The following MGAT4A variants were observed in gnomAD, a reference collection of about 807,000 sequenced individuals.
MGAT4A encodes the protein alpha-1,3-mannosyl-glycoprotein 4-beta-N-acetylglucosaminyltransferase A, also known as N-acetylglucosaminyltransferase IVa.
Under a neutral mutation model 74.1 loss-of-function variants are expected in MGAT4A, and 33 were observed. The observed-to-expected ratio is 0.45, with a 90% CI of 0.34 to 0.60. The LOEUF (loss-of-function observed/expected upper bound fraction) is 0.60. MGAT4A is among the 20% of genes least tolerant of loss of function. MGAT4A has a pLI of 0.02. For synonymous variants in MGAT4A, 198 were observed against 210.4 expected, an observed-to-expected ratio of 0.94 and a Z score of 0.51; for missense variants, 479 against 628.3, an observed-to-expected ratio of 0.76 and a Z score of 2.54.
chr2:98,668,800 G>C (rs564388896), intron 4 of MGAT4A, among the ~76,000 whole-genome samples: 1 of 152,232 alleles, frequency 6.6e-6, no homozygotes, highest in Non-Finnish European at 1.5e-5. Context: ...CCCACCTCTT[G>C]CATCAGTGTG....
chr2:98,647,675 T>TTTTCCAGAAG (rs1442681859), intron 8 of MGAT4A, among the ~76,000 whole-genome samples: 6 of 152,352 alleles, frequency 3.9e-5, no homozygotes, highest in Admixed American at 6.5e-5. Context: ...ACCTGTGAAG[T>TTTTCCAGAAG]GCCTGCATCA....
chr2:98,644,547 G>GT (rs1701457421), intron 9 of MGAT4A, among the ~76,000 whole-genome samples: 1 of 152,086 alleles, frequency 6.6e-6, no homozygotes, highest in African/African-American at 2.4e-5. Flanking sequence ...TGCTTAAAGT[G>GT]TTAAAAAGTA....
chr2:98,694,025 CTTG>C (rs1702231775), intron 2 of MGAT4A: 1 of 153,232 alleles, frequency 6.5e-6, no homozygotes, highest in South Asian at 1.8e-4. Context: ...GTCTAGAGCT[CTTG>C]TTCTCTCGAT....
At chr2:98,652,449 G>C (rs1008666636) in intron 8 of MGAT4A, among the ~76,000 whole-genome samples, 2 of 150,582 alleles carry the variant, frequency 1.3e-5, no homozygotes, top group Non-Finnish European at 2.9e-5. Context: ...TCCTGCCTCA[G>C]CCTCCCTAGT....
chr2:98,717,453 T>C (rs1273401677), intron 2 of MGAT4A, among the ~76,000 whole-genome samples: 4 of 151,678 alleles, frequency 2.6e-5, no homozygotes, highest in African/African-American at 7.3e-5. Flanking sequence ...AAACGCACCA[T>C]GGGATCCTAG....
At chr2:98,691,671 T>TATAGTTCTTTTAGAG (rs1702196480) in intron 2 of MGAT4A, among the ~76,000 whole-genome samples, 1 of 152,214 alleles carries the variant, frequency 6.6e-6, no homozygotes, top group Non-Finnish European at 1.5e-5. Context: ...ACTATGCTTT[T>TATAGTTCTTTTAGAG]TATTGTTCTT....
chr2:98,687,269 T>C (rs1702143379), intron 2 of MGAT4A, among the ~76,000 whole-genome samples: 1 of 152,200 alleles, frequency 6.6e-6, no homozygotes, highest in Non-Finnish European at 1.5e-5. Context: ...ACTACAAAGA[T>C]AACTACATAG....
chr2:98,663,123 C>G lies in MGAT4A; in HGVS notation c.460G>C (p.Glu154Gln), dbSNP rs749396099. 6.2e-6 allele frequency: 10 copies of G among 1,604,452 alleles called. No homozygotes were observed. The Admixed American group carries it at 1.7e-4, about 27-fold the overall frequency. The change falls in exon 5 of 16, where the codon GAA becomes CAA. Residue 154 changes from glutamate to glutamine, a missense_variant. This residue lies in a region of MGAT4A where 205 missense variants were observed against 232.7 expected (regional missense o/e 0.88). Coordinates refer to ENST00000393487, the MANE Select transcript of MGAT4A (RefSeq NM_012214.3). ...VKREVKSYLI[E>Q]TLHSLIDNLY... is the part of the protein sequence containing the mutation. ...TTATCAATAAGGGAATGAAGAGTTT[C>G]TATGAGGTAAGATTTAACTTCTCTC...
At chr2:98,663,575 T>A (rs1701784345) in intron 4 of MGAT4A, 1 of 872,694 alleles carries the variant, frequency 1.1e-6, no homozygotes, top group Non-Finnish European at 1.6e-6. Flanking sequence ...TCTGTGGTTG[T>A]TCTTGCCAAC....
intron 2 of MGAT4A, among the ~76,000 whole-genome samples, chr2:98,686,077 C>T (rs2104297835): frequency 6.6e-6 from 1 of 152,212 alleles, no homozygotes; most frequent in Non-Finnish European, 1.5e-5. Context: ...AGAGGGTTTT[C>T]CAAGTATCCA....
chr2:98,723,663 G>A (rs10496330), intron 2 of MGAT4A, among the ~76,000 whole-genome samples: 9,098 of 152,204 alleles, frequency 0.06, 514 homozygotes, highest in African/African-American at 0.14. Context: ...TCCAAAGGAT[G>A]AATACTCTAC....
At chr2:98,717,669 A>G (rs185893533) in intron 2 of MGAT4A, among the ~76,000 whole-genome samples, 98 of 152,314 alleles carry the variant, frequency 6.4e-4, no homozygotes, top group Non-Finnish European at 5.1e-4. Flanking sequence ...TGTAACTCTA[A>G]AAGTATTTCA....
chr2:98,629,968 C>T (rs1701204459), intron 14 of MGAT4A, among the ~76,000 whole-genome samples: 1 of 152,320 alleles, frequency 6.6e-6, no homozygotes, highest in South Asian at 2.1e-4. Flanking sequence ...AATGCTTGAA[C>T]CCAGGAGGCG....
In MGAT4A at chr2:98,625,162, T is replaced by TA; in HGVS notation, c.*403dup. The TA allele has an allele frequency of 1.3e-6, 1 of 791,594 alleles. No individual in the cohort carries two copies. The highest frequency in any genetic ancestry group is 1.5e-6 in the Non-Finnish European group (1 of 653,656). The allele number at this position is 791,594 out of a possible 1,614,324, so 49.0% of individuals were successfully genotyped here. On this transcript the variant is annotated 3_prime_UTR_variant, in exon 16 of 16. Coordinates refer to ENST00000393487, the MANE Select transcript of MGAT4A (RefSeq NM_012214.3). ...ATGTATATTTATATATTTATATATA[T>TA]AATCCCTGATAATCTATAAAAGAGG...
At chr2:98,699,430 C>G (rs751286530) in intron 2 of MGAT4A, among the ~76,000 whole-genome samples, 1 of 152,160 alleles carries the variant, frequency 6.6e-6, no homozygotes, top group Non-Finnish European at 1.5e-5. Context: ...CCTTTCAAGC[C>G]AGGCTTTCTG....
At chr2:98,677,573 C>T (rs1223073649) in intron 3 of MGAT4A, among the ~76,000 whole-genome samples, 1 of 152,078 alleles carries the variant, frequency 6.6e-6, no homozygotes, top group Non-Finnish European at 1.5e-5. Context: ...CTGCTTCAGC[C>T]TCCTAAGTAG....
At chr2:98,729,851 G>A (rs1193502877) in intron 1 of MGAT4A, among the ~76,000 whole-genome samples, 5 of 152,174 alleles carry the variant, frequency 3.3e-5, no homozygotes, top group African/African-American at 1.2e-4. Flanking sequence ...TAAAATCCAT[G>A]ACGTAAGCCT....
chr2:98,640,334 G>A (rs955021196), intron 10 of MGAT4A, 106 bp from the exon 11 acceptor site: 6 of 919,956 alleles, frequency 6.5e-6, no homozygotes, highest in Non-Finnish European at 1.0e-5. Context: ...GAAGGGCTGG[G>A]CGCGGTGGGT....
chr2:98,723,286 A>C (rs568178159), intron 2 of MGAT4A, among the ~76,000 whole-genome samples: 1 of 152,260 alleles, frequency 6.6e-6, no homozygotes, highest in East Asian at 1.9e-4. Context: ...CCAAGGTGCA[A>C]CTTGCGCCAG....
Sources: gnomAD v4.1 joint callset for allele counts (sites outside exome capture counted in the v4.1 genomes callset) on GRCh38, gnomAD v4.1.1 for gene constraint, gnomAD v4.1.1 regional missense constraint, MANE v1.5 for transcripts, NCBI Gene and HGNC (gene_info 2026-07-23, HGNC 2026-07-21) for gene names.